The following FBN2 variants were observed in gnomAD, a reference collection of about 807,000 sequenced individuals.
FBN2 encodes fibrillin 2, also known as fibrillin-2.
Under a neutral mutation model 355.6 loss-of-function variants are expected in FBN2, and 105 were observed. The ratio of observed to expected loss-of-function variants is 0.30; its 90% CI spans 0.25 to 0.35. The LOEUF (loss-of-function observed/expected upper bound fraction) is 0.35, where lower values mean the gene tolerates loss of function less well. FBN2 is among the 10% of genes least tolerant of loss of function. FBN2 has a pLI of 1.00. For synonymous variants in FBN2, 1,350 were observed against 1,301.2 expected, an observed-to-expected ratio of 1.04 and a Z score of -0.81; for missense variants, 3,280 against 3,758.7, an observed-to-expected ratio of 0.87 and a Z score of 3.33.
chr5:128,274,892 C>A (rs1341906933), intron 59 of FBN2, among the ~76,000 whole-genome samples: 1 of 152,110 alleles, frequency 6.6e-6, no homozygotes, highest in Non-Finnish European at 1.5e-5. Flanking sequence ...GATGATAGGA[C>A]AATTAAGGCA....
rs942206547 is a variant in FBN2, at chr5:128,273,940, C to T, written c.7740G>A (p.Ser2580=). The change falls in exon 61 of 65, where the codon TCG becomes TCA. Residue 2580 remains serine, a synonymous_variant. Transcript: ENST00000262464. ...GACAGATTCCCTTTGCTCCACAAAG[C>T]GAAGGTTGAGACCCACATTCGTTGT... The part of the protein sequence containing the change: ...IDNNECGSQP[S]LCGAKGICQN... 6.2e-6 allele frequency: 10 copies of T among 1,613,722 alleles called. No individual in the cohort carries two copies. The highest frequency in any genetic ancestry group is 2.7e-5 in the African/African-American group (2 of 74,916).
chr5:128,537,522 C>T lies in FBN2; in HGVS notation c.82G>A (p.Gly28Ser). Reference protein sequence around the residue: ...CVVLWAQGTAGQPQPPPPKPP... With the variant: ...CVVLWAQGTASQPQPPPPKPP... ...TTGGGCGGAGGAGGCTGAGGCTGGC[C>T]GGCCGTGCCCTGCGCCCAGAGCACC... The change falls in exon 1 of 65, where the codon GGC becomes AGC. Residue 28 changes from glycine to serine, a missense_variant. Coordinates refer to ENST00000262464, the MANE Select transcript of FBN2 (RefSeq NM_001999.4). 6.3e-7 allele frequency: 1 copy of T among 1,577,622 alleles called. No individual in the cohort carries two copies. Among genetic ancestry groups the T allele is most frequent in the South Asian group, 1.1e-5 (1 of 87,078 alleles).
chr5:128,292,837 G>A (rs1749364931), intron 48 of FBN2, among the ~76,000 whole-genome samples: 1 of 152,118 alleles, frequency 6.6e-6, no homozygotes, highest in African/African-American at 2.4e-5. Context: ...AGGCTTTCTT[G>A]AACTGCCACC....
intron 53 of FBN2, among the ~76,000 whole-genome samples, chr5:128,287,933 C>G (rs1749203876): frequency 6.6e-6 from 1 of 152,122 alleles, no homozygotes; most frequent in Non-Finnish European, 1.5e-5. Flanking sequence ...CTGTACTATG[C>G]ATGTGTGGGG....
chr5:128,340,406 G>GA (rs1750980970), intron 25 of FBN2, among the ~76,000 whole-genome samples: 1 of 151,856 alleles, frequency 6.6e-6, no homozygotes, highest in African/African-American at 2.4e-5. Flanking sequence ...CTGGCCATGT[G>GA]AAAAAAATGT....
intron 5 of FBN2, among the ~76,000 whole-genome samples, chr5:128,500,549 T>C (rs1755782985): frequency 6.8e-6 from 1 of 146,236 alleles, no homozygotes; most frequent in Non-Finnish European, 1.5e-5. Context: ...TTCACGCCAT[T>C]CTCCCGCCTC....
chr5:128,260,248 A>G (rs1372456771), intron 64 of FBN2, among the ~76,000 whole-genome samples: 1 of 151,838 alleles, frequency 6.6e-6, no homozygotes, highest in Non-Finnish European at 1.5e-5. Context: ...ATCAGCAGGG[A>G]ATGCGCCCAG....
chr5:128,390,961 A>G (rs1387347383), intron 11 of FBN2, among the ~76,000 whole-genome samples: 1 of 152,222 alleles, frequency 6.6e-6, no homozygotes, highest in African/African-American at 2.4e-5. Context: ...ATATTCTCAA[A>G]TATGATTTTT....
At chr5:128,506,813 C>G (rs949608223) in intron 5 of FBN2, among the ~76,000 whole-genome samples, 2 of 152,012 alleles carry the variant, frequency 1.3e-5, no homozygotes, top group East Asian at 1.9e-4. Flanking sequence ...GTTTTGGGAA[C>G]AGATTTTGGC....
chr5:128,295,169 GGCT>G (rs1169039384), intron 48 of FBN2, among the ~76,000 whole-genome samples: 2 of 147,160 alleles, frequency 1.4e-5, no homozygotes, highest in Non-Finnish European at 3.0e-5. Context: ...TATTTCTGAG[GGCT>G]CTGTTCTGTT....
chr5:128,303,152 G>T, intron 45 of FBN2, 63 bp from the exon 46 acceptor site: 1 of 899,938 alleles, frequency 1.1e-6, no homozygotes, highest in African/African-American at 1.6e-5. Flanking sequence ...GCTATTAACC[G>T]TTTTATATGT....
intron 7 of FBN2, among the ~76,000 whole-genome samples, chr5:128,410,651 A>G (rs998780576): frequency 2.0e-5 from 3 of 152,222 alleles, no homozygotes; most frequent in African/African-American, 7.2e-5. Context: ...TCTTCCTGAC[A>G]ATAAAAAGAA....
chr5:128,331,541 G>C (rs1293784260), intron 32 of FBN2, among the ~76,000 whole-genome samples: 1 of 152,186 alleles, frequency 6.6e-6, no homozygotes, highest in Non-Finnish European at 1.5e-5. Flanking sequence ...AATTCAATGG[G>C]TTATAGTGAA....
At chr5:128,321,952 C>T (rs973690758) in intron 34 of FBN2, among the ~76,000 whole-genome samples, 1 of 152,172 alleles carries the variant, frequency 6.6e-6, no homozygotes, top group African/African-American at 2.4e-5. Flanking sequence ...TCTCCAGCAT[C>T]TGTTGTTTCC....
At chr5:128,269,411 A>G (rs892577497) in intron 62 of FBN2, among the ~76,000 whole-genome samples, 7 of 151,160 alleles carry the variant, frequency 4.6e-5, no homozygotes, top group Non-Finnish European at 1.0e-4. Context: ...GCGAGCTGAG[A>G]TCGTGCCACT....
At chr5:128,370,333 C>A (rs546248973) in intron 15 of FBN2, among the ~76,000 whole-genome samples, 9 of 152,156 alleles carry the variant, frequency 5.9e-5, no homozygotes, top group Non-Finnish European at 1.2e-4. Flanking sequence ...TAACTATTCA[C>A]AACTTGTTGG....
At chr5:128,416,627 T>G (rs1183766860) in intron 7 of FBN2, among the ~76,000 whole-genome samples, 3 of 152,228 alleles carry the variant, frequency 2.0e-5, no homozygotes, top group East Asian at 3.8e-4. Flanking sequence ...CTTCTGCATA[T>G]AGATATCCAG....
Position 128,263,514 on chromosome 5 carries a change from G to A in FBN2, c.8103C>T (p.Ser2701=). ...AGCCGTAATTGCAGGGGTTCTTGGA[G>A]GACGAGCACTCATTCACGTCGTGGC... ...SACHDVNECS[S]SKNPCNYGCS... is the part of the protein sequence containing the mutation. The change falls in exon 63 of 65, where the codon TCC becomes TCT. Residue 2701 remains serine, a synonymous_variant. Coordinates refer to ENST00000262464, the MANE Select transcript of FBN2 (RefSeq NM_001999.4). 6.2e-7 allele frequency: 1 copy of A among 1,614,122 alleles called. No individual in the cohort carries two copies.
intron 7 of FBN2, among the ~76,000 whole-genome samples, chr5:128,440,942 TG>T (rs1454952765): frequency 7.2e-5 from 11 of 152,108 alleles, no homozygotes; most frequent in Admixed American, 7.2e-4. Flanking sequence ...CTATTATGAG[TG>T]CAGTGCTTAA....
Sources: gnomAD v4.1 joint callset for allele counts (sites outside exome capture counted in the v4.1 genomes callset) on GRCh38, gnomAD v4.1.1 for gene constraint, MANE v1.5 for transcripts, NCBI Gene and HGNC (gene_info 2026-07-23, HGNC 2026-07-21) for gene names.